MINPP1: variants seen among roughly 807,000 people sequenced by gnomAD.
The protein encoded by MINPP1 is multiple inositol polyphosphate phosphatase 1.
In MINPP1, 28 loss-of-function variants were observed where a neutral mutation model predicts 46.1. That is an observed-to-expected ratio of 0.61 (90% confidence interval 0.45 to 0.83). The LOEUF (loss-of-function observed/expected upper bound fraction) is 0.83, where lower values mean the gene tolerates loss of function less well. Among genes scored for constraint, MINPP1 ranks in the 40% least tolerant of loss-of-function variants. MINPP1 has a pLI of 0.00. For synonymous variants in MINPP1, 268 were observed against 249.1 expected (o/e 1.08, Z -0.72); for missense variants, 603 against 610.0 (o/e 0.99, Z 0.12).
At chr10:87,508,288 A>G (rs1411417348) in intron 1 of MINPP1, 48 bp from the exon 2 acceptor site, 1 of 1,602,032 alleles carries the variant, frequency 6.2e-7, no homozygotes, top group Non-Finnish European at 8.5e-7. Context: ...TGAAACTGTC[A>G]TTTATGTCAG....
At chr10:87,546,712 G>C (rs997011326) in intron 4 of MINPP1, 3 of 152,122 alleles carry the variant, frequency 2.0e-5, no homozygotes, top group African/African-American at 7.3e-5. Flanking sequence ...GCATCACTTG[G>C]GGCCAGGAGT....
At chr10:87,550,806 C>T (rs1206894022) in intron 4 of MINPP1, among the ~76,000 whole-genome samples, 3 of 151,842 alleles carry the variant, frequency 2.0e-5, no homozygotes, top group Non-Finnish European at 4.4e-5. Flanking sequence ...AAATTCCACT[C>T]CCAGCAGTTT....
At chr10:87,508,639 C>A (rs1437910547) in intron 2 of MINPP1, 106 bp downstream of exon 2, 1 of 1,103,156 alleles carries the variant, frequency 9.1e-7, no homozygotes, top group Non-Finnish European at 1.3e-6. Context: ...CATAATTGAT[C>A]TACATTAAGA....
chr10:87,506,136 A>G (rs1278826020), intron 1 of MINPP1, among the ~76,000 whole-genome samples: 1 of 149,060 alleles, frequency 6.7e-6, no homozygotes. Context: ...TGTTTTGTTC[A>G]TGTTTTTACT....
intron 4 of MINPP1, among the ~76,000 whole-genome samples, chr10:87,528,694 G>A (rs1311058169): frequency 6.6e-6 from 1 of 152,172 alleles, no homozygotes; most frequent in African/African-American, 2.4e-5. Flanking sequence ...TGTTGATTTG[G>A]GGTGGAGAGT....
intron 4 of MINPP1, among the ~76,000 whole-genome samples, chr10:87,523,972 T>G (rs1851538738): frequency 6.6e-6 from 1 of 152,196 alleles, no homozygotes; most frequent in Admixed American, 6.5e-5. Flanking sequence ...CAGAATAGAT[T>G]TAGCATAATT....
At chr10:87,548,424 T>C (rs1851918575) in intron 4 of MINPP1, among the ~76,000 whole-genome samples, 1 of 152,230 alleles carries the variant, frequency 6.6e-6, no homozygotes, top group South Asian at 2.1e-4. Flanking sequence ...ATGGGTCTTT[T>C]GAAAAGTCTC....
intron 4 of MINPP1, among the ~76,000 whole-genome samples, chr10:87,534,546 A>T (rs1007624572): frequency 3.3e-5 from 5 of 151,964 alleles, no homozygotes; most frequent in Admixed American, 1.3e-4. Context: ...ATTTTTTTTT[A>T]AAACTATTCT....
chr10:87,507,834 C>T (rs1004334755), intron 1 of MINPP1: 64 of 1,033,678 alleles, frequency 6.2e-5, no homozygotes, highest in East Asian at 8.9e-5. Context: ...AACATCAGTG[C>T]GTTTTGTGCT....
rs753447221 is a variant in MINPP1 at position 87,505,562 on chromosome 10, C to T, written c.637+10C>T. Reference sequence around the variant, plus strand: ...CCGCCGGACGTCGCAGGTGACCCCCCGGGCGGCCCGTGTGCTGTCCCGGTC... The same window carrying T: ...CCGCCGGACGTCGCAGGTGACCCCCTGGGCGGCCCGTGTGCTGTCCCGGTC... On this transcript the variant is annotated intron_variant, in intron 1 of 4. Transcript: ENST00000371996. The surrounding 1 kb of genome is among the most constrained non-coding windows in gnomAD (Gnocchi z 4.4). The T allele has an allele frequency of 6.3e-7, 1 of 1,595,982 alleles. No individual in the cohort carries two copies.
rs969983768 is a variant in MINPP1 at position 87,552,584 on chromosome 10, G to A, written c.*106G>A. ...TACAGGAAGCTTTTATATTACTTGA[G>A]TATTTCTGTCTTTTCACAGAAAAAC... On this transcript the variant is annotated 3_prime_UTR_variant, in exon 5 of 5. Coordinates refer to ENST00000371996, the MANE Select transcript of MINPP1 (RefSeq NM_004897.5). The A allele has an allele frequency of 1.8e-6, 2 of 1,137,950 alleles. No individual in the cohort carries two copies. The highest frequency in any genetic ancestry group is 3.1e-5 in the African/African-American group (2 of 64,946). The allele number at this position is 1,137,950 out of a possible 1,614,324, so 70.5% of individuals were successfully genotyped here. A position where few individuals can be genotyped will look rare whatever the true frequency, so the allele number is the denominator to read the frequency against.
chr10:87,512,217 A>G (rs1368475574), intron 2 of MINPP1, among the ~76,000 whole-genome samples: 1 of 152,174 alleles, frequency 6.6e-6, no homozygotes, highest in Non-Finnish European at 1.5e-5. Flanking sequence ...TCATTCCCTT[A>G]TCACTTCTCT....
At chr10:87,549,215 T>G (rs960183943) in intron 4 of MINPP1, among the ~76,000 whole-genome samples, 40 of 152,326 alleles carry the variant, frequency 2.6e-4, no homozygotes, top group African/African-American at 8.9e-4. Context: ...AATTTACAAC[T>G]TAAATTTGAG....
At chr10:87,550,505 T>C (rs959206819) in intron 4 of MINPP1, among the ~76,000 whole-genome samples, 5 of 152,218 alleles carry the variant, frequency 3.3e-5, no homozygotes, top group African/African-American at 1.2e-4. Context: ...AGTGTACTTT[T>C]TGAGTATATA....
intron 4 of MINPP1, among the ~76,000 whole-genome samples, chr10:87,527,558 T>C (rs886149328): frequency 2.6e-5 from 4 of 152,228 alleles, no homozygotes; most frequent in Non-Finnish European, 5.9e-5. Context: ...GTTCTGTTTA[T>C]ATGATGGATT....
At chr10:87,522,381 G>A (rs780960868) in intron 4 of MINPP1, among the ~76,000 whole-genome samples, 9 of 151,942 alleles carry the variant, frequency 5.9e-5, no homozygotes, top group Non-Finnish European at 1.2e-4. Flanking sequence ...AGTGTCATAG[G>A]GTCATTATTT....
chr10:87,547,478 C>T (rs1564684068), intron 4 of MINPP1, among the ~76,000 whole-genome samples: 2 of 152,152 alleles, frequency 1.3e-5, no homozygotes, highest in Non-Finnish European at 2.9e-5. Flanking sequence ...CTCTACTCCT[C>T]ATAAACAAGT....
chr10:87,517,347 C>T (rs965365896), intron 3 of MINPP1, among the ~76,000 whole-genome samples: 29 of 151,930 alleles, frequency 1.9e-4, no homozygotes, highest in Admixed American at 1.3e-3. Context: ...CTCAGGATTC[C>T]GTAAAACATG....
chr10:87,541,582 C>T (rs1851816026), intron 4 of MINPP1, among the ~76,000 whole-genome samples: 2 of 152,158 alleles, frequency 1.3e-5, no homozygotes, highest in African/African-American at 2.4e-5. Flanking sequence ...TCCATTCTTG[C>T]ATTGCTATAA....
Sources: gnomAD v4.1 joint callset for allele counts (sites outside exome capture counted in the v4.1 genomes callset) on GRCh38, gnomAD v4.1.1 for gene constraint, Gnocchi (gnomAD v3.1) non-coding constraint, MANE v1.5 for transcripts, NCBI Gene and HGNC (gene_info 2026-07-23, HGNC 2026-07-21) for gene names.